EYS: variants seen among roughly 807,000 people sequenced by gnomAD.
EYS encodes the protein EGF-like photoreceptor maintenance factor, also known as protein eyes shut homolog.
In EYS, 250 loss-of-function variants were observed where a neutral mutation model predicts 282.1. The observed-to-expected ratio is 0.89, with a 90% confidence interval of 0.80 to 0.98. The LOEUF (loss-of-function observed/expected upper bound fraction) is 0.98. EYS is among the 50% of genes least tolerant of loss of function. EYS has a pLI of 0.00. For synonymous variants in EYS, 1,355 were observed against 1,282.9 expected (o/e 1.06, Z -1.20); for missense variants, 4,016 against 3,709.0 (o/e 1.08, Z -2.15).
At position 64,212,888 on chromosome 6, in the gene EYS, A is replaced by G. The variant is rs189765517; in HGVS notation, c.6424+17704T>C. Among the ~76,000 whole-genome samples, 946 of 152,348 alleles carry G rather than the reference A, an allele frequency of 6.2e-3. 8 individuals are homozygous for G. The highest frequency in any genetic ancestry group is 0.022 in the African/African-American group (905 of 41,588). ...TGCCCATGAGTGATGGACTGGATAA[A>G]GAAAATTTGGTACCTAGACATCATG... On this transcript the variant is annotated intron_variant, in intron 31 of 42. Coordinates refer to ENST00000503581, the MANE Select transcript of EYS (RefSeq NM_001142800.2).
chr6:65,457,326 A>G (rs1216768064), intron 5 of EYS, among the ~76,000 whole-genome samples: 1 of 152,012 alleles, frequency 6.6e-6, no homozygotes, highest in Non-Finnish European at 1.5e-5. Flanking sequence ...CACCATGCTC[A>G]GCTAATTCTT....
chr6:64,918,306 T>C (rs900209591), intron 15 of EYS, among the ~76,000 whole-genome samples: 2 of 152,054 alleles, frequency 1.3e-5, no homozygotes, highest in African/African-American at 2.4e-5. Flanking sequence ...AAGATTGATA[T>C]GGGTAAAATG....
intron 22 of EYS, among the ~76,000 whole-genome samples, chr6:64,626,853 T>C (rs1350388942): frequency 1.3e-5 from 2 of 152,242 alleles, no homozygotes; most frequent in African/African-American, 4.8e-5. Flanking sequence ...ATGTATCTGC[T>C]TAAATCCAAG....
chr6:65,148,514 C>T (rs919329367), intron 12 of EYS, among the ~76,000 whole-genome samples: 6 of 152,098 alleles, frequency 3.9e-5, no homozygotes, highest in Non-Finnish European at 7.4e-5. Flanking sequence ...TTCAGGGTAC[C>T]GTGCCCCTCC....
At chr6:64,719,794 G>A (rs1045032352) in intron 22 of EYS, among the ~76,000 whole-genome samples, 10 of 152,208 alleles carry the variant, frequency 6.6e-5, no homozygotes, top group East Asian at 5.8e-4. Context: ...GTCCCAGAAC[G>A]GGAGGCTGAG....
intron 29 of EYS, among the ~76,000 whole-genome samples, chr6:64,363,211 G>T (rs377008287): frequency 6.6e-6 from 1 of 151,644 alleles, no homozygotes; most frequent in African/African-American, 2.4e-5. Context: ...TTTCAATGTC[G>T]ATTTAATCAA....
intron 33 of EYS, among the ~76,000 whole-genome samples, chr6:64,050,055 C>A (rs1770756405): frequency 6.6e-6 from 1 of 152,132 alleles, no homozygotes; most frequent in Non-Finnish European, 1.5e-5. Flanking sequence ...GAAAGAAAGT[C>A]ACAGTACTTC....
intron 35 of EYS, among the ~76,000 whole-genome samples, chr6:63,928,759 C>T (rs541119860): frequency 7.2e-5 from 11 of 152,250 alleles, no homozygotes; most frequent in South Asian, 2.1e-4. Flanking sequence ...CCTGGATCAA[C>T]GCATTAGTAC....
intron 19 of EYS, among the ~76,000 whole-genome samples, chr6:64,880,837 TAC>T (rs560113839): frequency 0.019 from 2,904 of 149,982 alleles, 94 homozygotes; most frequent in African/African-American, 0.067. Flanking sequence ...TATATATATA[TAC>T]ACACACACAT....
Position 63,905,683 on chromosome 6 carries a change from C to T in EYS, c.7056-41325G>A, listed in dbSNP as rs112135765. ...AATAGAATGACTCAAATACTATCAG[C>T]GGCACATTTTATGGTACTGTATTGT... On this transcript the variant is annotated intron_variant, in intron 35 of 42. Coordinates refer to ENST00000503581, the MANE Select transcript of EYS (RefSeq NM_001142800.2). Among the ~76,000 whole-genome samples, 396 of 152,260 alleles carry T rather than the reference C, an allele frequency of 2.6e-3. 1 individual carries two copies. Among genetic ancestry groups the T allele is most frequent in the African/African-American group, 3.8e-3 (157 of 41,552 alleles).
In EYS at chr6:64,698,727, GC is replaced by G. The variant is rs750515218; in HGVS notation, c.3444-72483del. Among the ~76,000 whole-genome samples, 6 of 152,204 alleles carry G rather than the reference GC, an allele frequency of 3.9e-5. No individual in the cohort carries two copies. In the East Asian group the frequency reaches 7.7e-4, roughly 20 times the overall value. On this transcript the variant is annotated intron_variant, in intron 22 of 42. Transcript: ENST00000503581. ...TGTGGCAAACAAGCATATAAAAAAA[GC>G]TCAATATCAATCATCATCAGAGAAA...
At chr6:64,918,592 T>A (rs1473742350) in intron 15 of EYS, among the ~76,000 whole-genome samples, 1 of 152,166 alleles carries the variant, frequency 6.6e-6, no homozygotes, top group Non-Finnish European at 1.5e-5. Flanking sequence ...TTATGAGTAC[T>A]ACACAAAGGG....
intron 31 of EYS, among the ~76,000 whole-genome samples, chr6:64,126,940 C>T (rs796260021): frequency 6.6e-6 from 1 of 151,926 alleles, no homozygotes; most frequent in African/African-American, 2.4e-5. Flanking sequence ...ATTCTAGGCT[C>T]CAGTAAGACA....
chr6:65,488,079 G>T (rs992523302), intron 5 of EYS, among the ~76,000 whole-genome samples: 1 of 151,750 alleles, frequency 6.6e-6, no homozygotes, highest in African/African-American at 2.4e-5. Context: ...TTCTTTAGTA[G>T]TCTGGCTAGT....
intron 30 of EYS, among the ~76,000 whole-genome samples, chr6:64,267,168 T>G (rs1174222610): frequency 2.0e-5 from 3 of 152,166 alleles, no homozygotes; most frequent in African/African-American, 7.2e-5. Context: ...ATGAAATTTA[T>G]TTATCCTAAC....
At chr6:65,366,913 A>G (rs1363079444) in intron 8 of EYS, among the ~76,000 whole-genome samples, 1 of 151,608 alleles carries the variant, frequency 6.6e-6, no homozygotes, top group Non-Finnish European at 1.5e-5. Flanking sequence ...TTGTTATCAT[A>G]TCACCTTCTC....
At chr6:64,189,193 A>T (rs1158807332) in intron 31 of EYS, among the ~76,000 whole-genome samples, 2 of 152,238 alleles carry the variant, frequency 1.3e-5, no homozygotes, top group Non-Finnish European at 2.9e-5. Context: ...AAAATTATAT[A>T]TAAGTAAGCA....
At chr6:65,379,701 T>C (rs955583883) in intron 8 of EYS, among the ~76,000 whole-genome samples, 10 of 152,012 alleles carry the variant, frequency 6.6e-5, no homozygotes, top group Non-Finnish European at 1.5e-4. Context: ...AATACATGAT[T>C]GTATATTTAG....
rs554470595 is a variant in EYS, at chr6:65,510,193, C to T, written c.-332-14200G>A. On this transcript the variant is annotated intron_variant, in intron 2 of 42. Coordinates refer to ENST00000503581, the MANE Select transcript of EYS (RefSeq NM_001142800.2). ...CCCCTCCCCCCACCCCACAACAGTC[C>T]CCAGAGTGTGATGTTCCCCTTCCTG... is the stretch of plus-strand genomic sequence containing the variant. Among the ~76,000 whole-genome samples the T allele has an allele frequency of 2.5e-3, 318 of 127,574 alleles. 3 individuals are homozygous for T. The highest frequency in any genetic ancestry group is 5.1e-3 in the Admixed American group (57 of 11,158). 83.7% of individuals were successfully genotyped at this position (127,574 alleles called of 152,430 possible).
Sources: allele counts gnomAD v4.1 joint callset (sites outside exome capture counted in the v4.1 genomes callset), GRCh38; gene constraint gnomAD v4.1.1; transcripts MANE v1.5; gene names NCBI Gene and HGNC (gene_info 2026-07-23, HGNC 2026-07-21).